The following DNMT3A variants were observed in gnomAD, a reference collection of about 807,000 sequenced individuals.
DNMT3A encodes the protein DNA (cytosine-5)-methyltransferase 3A.
A neutral mutation model predicts 117.6 loss-of-function variants in DNMT3A; 267 were observed. The observed-to-expected ratio is 2.27, with a 90% CI of 2.05 to 2.51. The LOEUF (loss-of-function observed/expected upper bound fraction) is 2.51, where lower values mean the gene tolerates loss of function less well. DNMT3A is among the 30% of genes most tolerant of loss of function. The pLI, the probability that DNMT3A is intolerant of heterozygous loss-of-function variation, is 0.00. For missense variants in DNMT3A, 1,029 were observed against 1,260.2 expected (o/e 0.82, Z 2.78); for synonymous variants, 432 against 474.8 (o/e 0.91, Z 1.17).
In DNMT3A at chr2:25,300,169, C is replaced by A. The variant is rs1182052940; in HGVS notation, c.147G>T (p.Gly49=). 1.2e-6 allele frequency: 2 copies of A among 1,613,312 alleles called. No individual in the cohort carries two copies. Among genetic ancestry groups the A allele is most frequent in the South Asian group, 2.2e-5 (2 of 91,076 alleles). ...GGTGCTTGCGCTTCCTCCCAGGCCGCCCCACCTTCCGTGCCGTGGTGCTGG... is the reference window on the plus strand; with the variant it reads ...GGTGCTTGCGCTTCCTCCCAGGCCGACCCACCTTCCGTGCCGTGGTGCTGG... ...QEPSTTARKV[G]RPGRKRKHPP... is the part of the protein sequence containing the mutation. Residue 49 remains glycine, a synonymous_variant, in exon 3 of 23, where the codon GGG becomes GGT. Coordinates refer to ENST00000321117, the MANE Select transcript of DNMT3A (RefSeq NM_022552.5).
intron 4 of DNMT3A, among the ~76,000 whole-genome samples, chr2:25,278,025 ACACACACACAC>A (rs1283520436): frequency 8.4e-5 from 7 of 83,604 alleles, no homozygotes; most frequent in African/African-American, 1.5e-4. Flanking sequence ...ACACACACAC[ACACACACACAC>A]ACAGACACAC....
At chr2:25,268,204 T>C (rs1435503739) in intron 6 of DNMT3A, among the ~76,000 whole-genome samples, 2 of 152,102 alleles carry the variant, frequency 1.3e-5, no homozygotes, top group Non-Finnish European at 2.9e-5. Flanking sequence ...ATCTAATAAG[T>C]ATAAGGATGC....
chr2:25,282,124 G>A lies in DNMT3A; in HGVS notation c.448+317C>T, dbSNP rs150277035. 678 of 1,143,802 alleles carry A rather than the reference G, an allele frequency of 5.9e-4. 7 individuals are homozygous for A. In the East Asian group the frequency reaches 0.018, roughly 31 times the overall value. The allele number at this position is 1,143,802 out of a possible 1,614,324, so 70.9% of individuals were successfully genotyped here. The stretch of plus-strand genomic sequence containing the variant: ...TTATCCCAGTCTAGCAATCGTTGGC[G>A]TTATGAAAGCCCGCTGTTGCCAGAT... On this transcript the variant is annotated intron_variant, in intron 4 of 22. Transcript: ENST00000321117. The surrounding 1 kb of genome is among the most constrained non-coding windows in gnomAD (Gnocchi z 5.2).
chr2:25,337,060 A>T lies in DNMT3A; in HGVS notation c.-178+4766T>A, dbSNP rs1437764526. On this transcript the variant is annotated intron_variant, in intron 1 of 22. Transcript: ENST00000321117. This position sits in a 1 kb window ranked among gnomAD's most constrained non-coding sequence, Gnocchi z 5.0. ...ATGGCTTACAGGAAATGCTCAGCAC[A>T]TCTCTGGAAAATGGAAGCGAATACG... is the stretch of plus-strand genomic sequence containing the variant. Among the ~76,000 whole-genome samples the T allele has an allele frequency of 1.3e-5, 2 of 152,206 alleles. No homozygotes were observed. Among genetic ancestry groups the T allele is most frequent in the African/African-American group, 2.4e-5 (1 of 41,440 alleles).
Position 25,247,056 on chromosome 2 carries a change from GGACCTCGTA to G in DNMT3A, c.1108_1116del (p.Tyr370_Val372del). 1 of 1,613,968 alleles carries G rather than the reference GGACCTCGTA, an allele frequency of 6.2e-7. No individual in the cohort carries two copies. The highest frequency in any genetic ancestry group is 8.5e-7 in the Non-Finnish European group (1 of 1,179,920). ...CTCCCAGCAGGGACACTCACCTGCAGGACCTCGTAGATGGCTTTGCGGTACATGGGCTGC... is the reference window on the plus strand; with the variant it reads ...CTCCCAGCAGGGACACTCACCTGCAGGATGGCTTTGCGGTACATGGGCTGC... On this transcript the variant is annotated inframe_deletion, in exon 9 of 23. Coordinates refer to ENST00000321117, the MANE Select transcript of DNMT3A (RefSeq NM_022552.5). This position sits in a 1 kb window ranked among gnomAD's most constrained non-coding sequence, Gnocchi z 5.6.
At chr2:25,241,175 T>C (rs1316917281) in intron 17 of DNMT3A, among the ~76,000 whole-genome samples, 3 of 152,184 alleles carry the variant, frequency 2.0e-5, no homozygotes, top group Non-Finnish European at 4.4e-5. Flanking sequence ...GCCAAAAGTA[T>C]TGGGAGGACA....
chr2:25,247,941 C>T lies in DNMT3A; in HGVS notation c.855+96G>A. The T allele has an allele frequency of 6.4e-7, 1 of 1,565,152 alleles. No individual in the cohort carries two copies. The highest frequency in any genetic ancestry group is 1.1e-5 in the South Asian group (1 of 87,960). ...GGGGTCAGGTGGAGAGAGCGAGCGG[C>T]CCGTGGGAGATGGAGAGAGGAGAGC... On this transcript the variant is annotated intron_variant, in intron 7 of 22. Transcript: ENST00000321117. The surrounding 1 kb of genome is among the most constrained non-coding windows in gnomAD (Gnocchi z 5.6).
At position 25,333,004 on chromosome 2, in the gene DNMT3A, G is replaced by A. The variant is rs181082383; in HGVS notation, c.-178+8822C>T. On this transcript the variant is annotated intron_variant, in intron 1 of 22. Coordinates refer to ENST00000321117, the MANE Select transcript of DNMT3A (RefSeq NM_022552.5). ...GGGAGGGAAAGAGGGCCCAGGCCTT[G>A]AGCAGGCTACTGGGTCCCCACATGG... 4.6e-5 allele frequency among the ~76,000 whole-genome samples: 7 copies of A among 152,340 alleles called. No homozygotes were observed. In the East Asian group the frequency reaches 1.4e-3, roughly 29 times the overall value.
Position 25,317,006 on chromosome 2 carries a change from G to C in DNMT3A, c.-177-2845C>G, listed in dbSNP as rs569558472. Among the ~76,000 whole-genome samples the C allele has an allele frequency of 3.3e-5, 5 of 152,334 alleles. No homozygotes were observed. In the South Asian group the frequency reaches 1.0e-3, roughly 32 times the overall value. ...TTGTGGAAAAAGAACTGAAAGCTTT[G>C]AATATGCATACCAAGGCTCACTACC... On this transcript the variant is annotated intron_variant, in intron 1 of 22. Transcript: ENST00000321117.
chr2:25,239,775 C>G (rs1207167040), intron 19 of DNMT3A, among the ~76,000 whole-genome samples: 2 of 152,200 alleles, frequency 1.3e-5, no homozygotes, highest in African/African-American at 4.8e-5. Flanking sequence ...GCTCAAGCTC[C>G]CAGAAGGGCC....
At position 25,236,036 on chromosome 2, in the gene DNMT3A, C is replaced by G. The variant is rs1673324992; in HGVS notation, c.2479-211G>C. Among the ~76,000 whole-genome samples the G allele has an allele frequency of 6.6e-6, 1 of 152,016 alleles. No individual in the cohort carries two copies. Among genetic ancestry groups the G allele is most frequent in the South Asian group, 2.1e-4 (1 of 4,814 alleles). On this transcript the variant is annotated intron_variant, in intron 21 of 22. Transcript: ENST00000321117. The surrounding 1 kb of genome is among the most constrained non-coding windows in gnomAD (Gnocchi z 4.5). ...ACTTTTCTTCCTACTTGGAGGTCACCTGGCCAATCTTAGATCCATCTAGCC... is the reference window on the plus strand; with the variant it reads ...ACTTTTCTTCCTACTTGGAGGTCACGTGGCCAATCTTAGATCCATCTAGCC...
At position 25,233,867 on chromosome 2, in the gene DNMT3A, C is replaced by G. The variant is rs1434610805; in HGVS notation, c.*412G>C. 8.7e-6 allele frequency: 2 copies of G among 229,624 alleles called. No homozygotes were observed. Among genetic ancestry groups the G allele is most frequent in the African/African-American group, 4.5e-5 (2 of 44,336 alleles). 14.2% of individuals were successfully genotyped at this position (229,624 alleles called of 1,614,324 possible). On this transcript the variant is annotated 3_prime_UTR_variant, in exon 23 of 23. Transcript: ENST00000321117. ...TTTTTTCCTCTCTCCCACCTTTCCT[C>G]TGCAAGGTATTGTTACTATTTTTTG...
intron 6 of DNMT3A, among the ~76,000 whole-genome samples, chr2:25,251,161 G>C (rs1465642784): frequency 2.1e-5 from 3 of 142,156 alleles, no homozygotes; most frequent in Admixed American, 2.0e-4. Flanking sequence ...AGCGGGGGGG[G>C]GGGTGGGTGA....
Position 25,236,254 on chromosome 2 carries a change from A to G in DNMT3A, c.2479-429T>C, listed in dbSNP as rs1673357909. Among the ~76,000 whole-genome samples, 1 of 152,110 alleles carries G rather than the reference A, an allele frequency of 6.6e-6. No individual in the cohort carries two copies. Among genetic ancestry groups the G allele is most frequent in the African/African-American group, 2.4e-5 (1 of 41,418 alleles). On this transcript the variant is annotated intron_variant, in intron 21 of 22. Transcript: ENST00000321117. This position sits in a 1 kb window ranked among gnomAD's most constrained non-coding sequence, Gnocchi z 4.5. Reference sequence around the variant, plus strand: ...CTAATTTTTATATTTTTAGTCAGACAGGGTTTCACCGTGTCGGCCAGGCTG... The same window carrying G: ...CTAATTTTTATATTTTTAGTCAGACGGGGTTTCACCGTGTCGGCCAGGCTG...
chr2:25,284,923 G>A (rs1277394365), intron 3 of DNMT3A, among the ~76,000 whole-genome samples: 3 of 152,062 alleles, frequency 2.0e-5, no homozygotes, highest in African/African-American at 7.2e-5. Context: ...TCTGCAACTT[G>A]CTTTTTCACT....
At chr2:25,276,654 C>T (rs1212582690) in intron 4 of DNMT3A, among the ~76,000 whole-genome samples, 1 of 152,214 alleles carries the variant, frequency 6.6e-6, no homozygotes, top group Non-Finnish European at 1.5e-5. Context: ...GGCTGCGGGG[C>T]TGGCTGATTC....
At chr2:25,258,881 G>T (rs1676377073) in intron 6 of DNMT3A, among the ~76,000 whole-genome samples, 1 of 152,198 alleles carries the variant, frequency 6.6e-6, no homozygotes, top group Admixed American at 6.5e-5. Context: ...TAGGGAGGGG[G>T]AGTGGTAAGG....
At position 25,252,247 on chromosome 2, in the gene DNMT3A, C is replaced by T. The variant is rs776741640; in HGVS notation, c.640-3995G>A. On this transcript the variant is annotated intron_variant, in intron 6 of 22. Coordinates refer to ENST00000321117, the MANE Select transcript of DNMT3A (RefSeq NM_022552.5). This position sits in a 1 kb window ranked among gnomAD's most constrained non-coding sequence, Gnocchi z 5.5. ...GTCGCGCTCAGGTGTGAGCCGCGGC[C>T]CTGAAGCTCTGGAAGTAGCTGCCCG... is the stretch of plus-strand genomic sequence containing the variant. 12 of 1,508,222 alleles carry T rather than the reference C, an allele frequency of 8.0e-6. No homozygotes were observed. In the South Asian group the frequency reaches 1.0e-4, roughly 13 times the overall value. 93.4% of individuals were successfully genotyped at this position (1,508,222 alleles called of 1,614,324 possible).
Position 25,306,210 on chromosome 2 carries a change from C to A in DNMT3A, c.73-5967G>T, listed in dbSNP as rs112342354. Reference sequence around the variant, plus strand: ...ACACTCACATATGCTTGCACACACACCCGTGCCCAGGCCAACCTGCAGAGG... The same window carrying A: ...ACACTCACATATGCTTGCACACACAACCGTGCCCAGGCCAACCTGCAGAGG... On this transcript the variant is annotated intron_variant, in intron 2 of 22. Coordinates refer to ENST00000321117, the MANE Select transcript of DNMT3A (RefSeq NM_022552.5). This position sits in a 1 kb window ranked among gnomAD's most constrained non-coding sequence, Gnocchi z 4.1. Among the ~76,000 whole-genome samples, 1,007 of 152,334 alleles carry A rather than the reference C, an allele frequency of 6.6e-3. 10 individuals carry two copies. Among genetic ancestry groups the A allele is most frequent in the Middle Eastern group, 0.01 (3 of 294 alleles).
Sources: gnomAD v4.1 joint callset for allele counts (sites outside exome capture counted in the v4.1 genomes callset) on GRCh38, gnomAD v4.1.1 for gene constraint, Gnocchi (gnomAD v3.1) non-coding constraint, MANE v1.5 for transcripts, NCBI Gene and HGNC (gene_info 2026-07-23, HGNC 2026-07-21) for gene names.